The following SSBP2 variants were observed in gnomAD, a reference collection of about 807,000 sequenced individuals.
SSBP2 encodes the protein single stranded DNA binding protein 2, also known as single-stranded DNA-binding protein 2.
SSBP2 carries 17 observed loss-of-function variants against 61.8 expected under a neutral mutation model. The observed-to-expected ratio is 0.28, with a 90% CI of 0.19 to 0.41. The LOEUF (loss-of-function observed/expected upper bound fraction) is 0.41, where lower values mean the gene tolerates loss of function less well. Among genes scored for constraint, SSBP2 ranks in the 10% least tolerant of loss-of-function variants. SSBP2 has a pLI of 1.00. For synonymous variants in SSBP2, 139 were observed against 141.3 expected, an observed-to-expected ratio of 0.98 and a Z score of 0.12; for missense variants, 310 against 458.7, an observed-to-expected ratio of 0.68 and a Z score of 2.96.
intron 4 of SSBP2, among the ~76,000 whole-genome samples, chr5:81,577,905 A>C (rs973176371): frequency 6.6e-6 from 1 of 152,060 alleles, no homozygotes; most frequent in Non-Finnish European, 1.5e-5. Context: ...AGTGCTTATG[A>C]TATACCAGAT....
At chr5:81,675,887 A>G (rs1483859550) in intron 1 of SSBP2, among the ~76,000 whole-genome samples, 2 of 152,118 alleles carry the variant, frequency 1.3e-5, no homozygotes, top group East Asian at 1.9e-4. Flanking sequence ...TAGACCTAAA[A>G]TATCAACATT....
Position 81,483,764 on chromosome 5 carries a change from TAC to T in SSBP2, c.432+5484_432+5485del, listed in dbSNP as rs531570279. Among the ~76,000 whole-genome samples the T allele has an allele frequency of 3.7e-3, 550 of 149,212 alleles. 2 individuals are homozygous for T. The highest frequency in any genetic ancestry group is 0.011 in the African/African-American group (465 of 40,976). On this transcript the variant is annotated intron_variant, in intron 6 of 16. Coordinates refer to ENST00000320672, the MANE Select transcript of SSBP2 (RefSeq NM_012446.5). ...CAACTCACCATTTGACATATATATA[TAC>T]ACACACACACACACACACATTTATA...
intron 4 of SSBP2, among the ~76,000 whole-genome samples, chr5:81,548,075 A>C (rs1298589191): frequency 6.6e-6 from 1 of 152,212 alleles, no homozygotes; most frequent in East Asian, 1.9e-4. Context: ...ATTATTGCTA[A>C]AAACTGCCAA....
At chr5:81,568,668 A>C (rs1279062543) in intron 4 of SSBP2, among the ~76,000 whole-genome samples, 3 of 152,216 alleles carry the variant, frequency 2.0e-5, no homozygotes, top group Non-Finnish European at 4.4e-5. Context: ...TACCATTATA[A>C]AAAGAACATA....
intron 4 of SSBP2, among the ~76,000 whole-genome samples, chr5:81,559,621 A>T (rs187350669): frequency 6.6e-6 from 1 of 152,154 alleles, no homozygotes; most frequent in Non-Finnish European, 1.5e-5. Context: ...TTTCTACCTT[A>T]AATTATGTGA....
chr5:81,704,073 T>A (rs1380367255), intron 1 of SSBP2, among the ~76,000 whole-genome samples: 1 of 152,228 alleles, frequency 6.6e-6, no homozygotes, highest in Non-Finnish European at 1.5e-5. Flanking sequence ...ATCATTACTG[T>A]CCAGGTTCCA....
At chr5:81,699,928 G>A (rs1329294619) in intron 1 of SSBP2, among the ~76,000 whole-genome samples, 2 of 149,616 alleles carry the variant, frequency 1.3e-5, no homozygotes, top group South Asian at 2.1e-4. Flanking sequence ...CCATCAGGGT[G>A]TGCTTCAGCC....
chr5:81,687,159 C>A (rs1279861303), intron 1 of SSBP2, among the ~76,000 whole-genome samples: 1 of 152,230 alleles, frequency 6.6e-6, no homozygotes, highest in Admixed American at 6.5e-5. Flanking sequence ...CGGCAGCGGC[C>A]GCATGGTACG....
At chr5:81,746,321 G>A (rs1276902851) in intron 1 of SSBP2, among the ~76,000 whole-genome samples, 2 of 151,978 alleles carry the variant, frequency 1.3e-5, no homozygotes, top group Non-Finnish European at 2.9e-5. Flanking sequence ...ACATCCTGGA[G>A]ACTGAAAGGG....
At chr5:81,522,002 AT>A (rs1280265935) in intron 4 of SSBP2, among the ~76,000 whole-genome samples, 2 of 152,056 alleles carry the variant, frequency 1.3e-5, no homozygotes, top group Non-Finnish European at 2.9e-5. Flanking sequence ...TGCTATAAAA[AT>A]ATTAATAAAT....
At chr5:81,599,541 G>C (rs369958236) in intron 4 of SSBP2, among the ~76,000 whole-genome samples, 117 of 152,312 alleles carry the variant, frequency 7.7e-4, no homozygotes, top group African/African-American at 2.8e-3. Context: ...GGGAGAAACT[G>C]ATTGAGATTG....
chr5:81,715,767 A>G (rs1581407855), intron 1 of SSBP2, among the ~76,000 whole-genome samples: 1 of 152,156 alleles, frequency 6.6e-6, no homozygotes. Context: ...CATTAACAAG[A>G]TAGATGGCCA....
At chr5:81,592,912 G>T (rs949696376) in intron 4 of SSBP2, among the ~76,000 whole-genome samples, 1 of 152,120 alleles carries the variant, frequency 6.6e-6, no homozygotes, top group East Asian at 1.9e-4. Context: ...AGAAAAACTG[G>T]AAACTCTAAA....
chr5:81,562,862 C>T (rs758520187), intron 4 of SSBP2, among the ~76,000 whole-genome samples: 3 of 151,932 alleles, frequency 2.0e-5, no homozygotes, highest in Non-Finnish European at 4.4e-5. Flanking sequence ...GAGCTGTGTG[C>T]TGAAAATTAT....
intron 3 of SSBP2, among the ~76,000 whole-genome samples, chr5:81,626,734 T>C (rs1747198296): frequency 6.6e-6 from 1 of 152,182 alleles, no homozygotes; most frequent in Admixed American, 6.5e-5. Context: ...TGCCTCAATA[T>C]AGACATGACT....
At chr5:81,652,391 T>TA (rs1288750393) in intron 1 of SSBP2, among the ~76,000 whole-genome samples, 1 of 151,514 alleles carries the variant, frequency 6.6e-6, no homozygotes, top group African/African-American at 2.4e-5. Flanking sequence ...TTTCTCTCTC[T>TA]ATAAGTCTAA....
At chr5:81,446,485 G>T (rs1763408867) in intron 12 of SSBP2, among the ~76,000 whole-genome samples, 1 of 151,906 alleles carries the variant, frequency 6.6e-6, no homozygotes. Context: ...TAATAGATGT[G>T]GTGAGTCTGA....
At chr5:81,733,944 A>G (rs1309906098) in intron 1 of SSBP2, among the ~76,000 whole-genome samples, 2 of 152,222 alleles carry the variant, frequency 1.3e-5, no homozygotes, top group Non-Finnish European at 2.9e-5. Flanking sequence ...AAATTTTCAA[A>G]GTATCATCAG....
intron 1 of SSBP2, among the ~76,000 whole-genome samples, chr5:81,744,332 T>A (rs145684555): frequency 6.6e-6 from 1 of 152,188 alleles, no homozygotes; most frequent in Non-Finnish European, 1.5e-5. Context: ...CTTGGTTTTT[T>A]CTCATCTAAA....
Sources: allele counts gnomAD v4.1 joint callset (sites outside exome capture counted in the v4.1 genomes callset), GRCh38; gene constraint gnomAD v4.1.1; transcripts MANE v1.5; gene names NCBI Gene and HGNC (gene_info 2026-07-23, HGNC 2026-07-21).